ADGRL1: variants seen among roughly 807,000 people sequenced by gnomAD.
The protein encoded by ADGRL1 is CIRL-1.
A neutral mutation model predicts 148.9 loss-of-function variants in ADGRL1; 31 were observed. The ratio of observed to expected loss-of-function variants is 0.21; its 90% CI spans 0.16 to 0.28. ADGRL1 has a LOEUF of 0.28. Ranked by LOEUF, ADGRL1 falls within the 10% of genes least tolerant of loss-of-function variation. The pLI is 1.00. For missense variants in ADGRL1, 1,521 were observed against 2,058.8 expected (o/e 0.74, Z 5.05); for synonymous variants, 937 against 900.3 (o/e 1.04, Z -0.73).
At chr19:14,204,621 C>G (rs1972838441) in intron 1 of ADGRL1, among the ~76,000 whole-genome samples, 2 of 151,776 alleles carry the variant, frequency 1.3e-5, no homozygotes. Context: ...CCGACCTCCT[C>G]TAAGCAGTGA....
chr19:14,155,542 A>T lies in ADGRL1; in HGVS notation c.3126-15T>A. 6.2e-7 allele frequency: 1 copy of T among 1,612,726 alleles called. No homozygotes were observed. The highest frequency in any genetic ancestry group is 8.5e-7 in the Non-Finnish European group (1 of 1,179,666). ...GCGCCCAGGATCTGGGAGTGGGGCGACAGGGGAGTCAAAGTACCCGCCGGA... is the reference window on the plus strand; with the variant it reads ...GCGCCCAGGATCTGGGAGTGGGGCGTCAGGGGAGTCAAAGTACCCGCCGGA... On this transcript the variant is annotated splice_polypyrimidine_tract_variant and intron_variant, in intron 17 of 22. Coordinates refer to ENST00000361434, the MANE Select transcript of ADGRL1 (RefSeq NM_014921.5). The surrounding 1 kb of genome is among the most constrained non-coding windows in gnomAD (Gnocchi z 5.0).
rs1348511397 is a variant in ADGRL1, at chr19:14,157,476, G to C, written c.2536-16C>G. ...GGCCCTGGTACTGGGGACAGGAACA[G>C]GGGGCACGCTCAGGGCCTTTGGTTT... On this transcript the variant is annotated splice_polypyrimidine_tract_variant and intron_variant, in intron 13 of 22. Transcript: ENST00000361434. The surrounding 1 kb of genome is among the most constrained non-coding windows in gnomAD (Gnocchi z 7.5). The C allele has an allele frequency of 1.5e-5, 24 of 1,612,868 alleles. No homozygotes were observed. The highest frequency in any genetic ancestry group is 2.0e-5 in the Non-Finnish European group (24 of 1,179,424).
chr19:14,149,807 A>G lies in ADGRL1; in HGVS notation c.*1066T>C, dbSNP rs1599372972. 6.6e-6 allele frequency: 1 copy of G among 152,148 alleles called. No homozygotes were observed. 9.4% of individuals were successfully genotyped at this position (152,148 alleles called of 1,614,324 possible). A position where few individuals can be genotyped will look rare whatever the true frequency, so the allele number is the denominator to read the frequency against. Reference sequence around the variant, plus strand: ...CCCGGCGGGGACTGGGGATGCACGTACACGGAGAAGTCCTGGCTGCCAGGC... The same window carrying G: ...CCCGGCGGGGACTGGGGATGCACGTGCACGGAGAAGTCCTGGCTGCCAGGC... On this transcript the variant is annotated 3_prime_UTR_variant, in exon 23 of 23. Transcript: ENST00000361434.
At chr19:14,190,855 A>G in intron 1 of ADGRL1, among the ~76,000 whole-genome samples, 1 of 152,176 alleles carries the variant, frequency 6.6e-6, no homozygotes. Flanking sequence ...TGGGAGGCCG[A>G]GGAGGGCAGA....
Position 14,157,451 on chromosome 19 carries a change from G to T in ADGRL1, c.2545C>A (p.Arg849Ser), listed in dbSNP as rs748380369. ...ACCGACAGCAGCAGCTCGTTGATGC[G>T]GCCCTGGTACTGGGGACAGGAACAG... ...LMAHREIYQGRINELLLSVIT... is the reference protein window; with the variant it reads ...LMAHREIYQGSINELLLSVIT... The change falls in exon 14 of 23, where the codon CGC (arginine) becomes AGC (serine). Residue 849 changes from arginine (R) to serine (S), a missense_variant. Physicochemically the swap from Arg to Ser is moderately radical, Grantham distance 110. Coordinates refer to ENST00000361434, the MANE Select transcript of ADGRL1 (RefSeq NM_014921.5). This position sits in a 1 kb window ranked among gnomAD's most constrained non-coding sequence, Gnocchi z 7.5. 1 of 1,613,966 alleles carries T rather than the reference G, an allele frequency of 6.2e-7. No homozygotes were observed. The highest frequency in any genetic ancestry group is 1.1e-5 in the South Asian group (1 of 91,082).
At chr19:14,198,661 C>T (rs1972417167) in intron 1 of ADGRL1, among the ~76,000 whole-genome samples, 1 of 152,152 alleles carries the variant, frequency 6.6e-6, no homozygotes, top group South Asian at 2.1e-4. Context: ...AGCCAGCAGC[C>T]TCCAGCTTCT....
rs750298091 is a variant in ADGRL1 at position 14,162,613 on chromosome 19, G to A, written c.1188C>T (p.Pro396=). 21 of 1,604,870 alleles carry A rather than the reference G, an allele frequency of 1.3e-5. 1 individual carries two copies. The South Asian group carries it at 1.8e-4, about 14-fold the overall frequency. ...RYSLEFGPPD[P]SAGPATSPPL... ...GAAGTGAGTCGTCCTCACCAGCACT[G>A]GGGTCGGGCGGCCCGAACTCCAGGC... The change falls in exon 5 of 23, where the codon CCC becomes CCT. Residue 396 remains proline (P), a synonymous_variant. Coordinates refer to ENST00000361434, the MANE Select transcript of ADGRL1 (RefSeq NM_014921.5). This position sits in a 1 kb window ranked among gnomAD's most constrained non-coding sequence, Gnocchi z 5.4.
intron 1 of ADGRL1, among the ~76,000 whole-genome samples, chr19:14,197,355 C>T (rs1205314615): frequency 6.6e-6 from 1 of 152,026 alleles, no homozygotes; most frequent in Non-Finnish European, 1.5e-5. Flanking sequence ...AAATTCCCTG[C>T]CCCCGCCCCC....
intron 2 of ADGRL1, 26 bp downstream of exon 2, chr19:14,183,507 C>T: frequency 6.4e-7 from 1 of 1,553,456 alleles, no homozygotes; most frequent in South Asian, 1.2e-5. Flanking sequence ...GAGCCGCGGC[C>T]CCTCCCCGGC....
chr19:14,150,713 G>A lies in ADGRL1; in HGVS notation c.*160C>T. The A allele has an allele frequency of 1.2e-6, 1 of 807,668 alleles. No homozygotes were observed. Among genetic ancestry groups the A allele is most frequent in the Non-Finnish European group, 1.9e-6 (1 of 532,842 alleles). 50.0% of individuals were successfully genotyped at this position (807,668 alleles called of 1,614,324 possible). A position where few individuals can be genotyped will look rare whatever the true frequency, so the allele number is the denominator to read the frequency against. ...GAACCCTGGCACCTCAGGCCCCCAG[G>A]TTAGAGTCCCCTGAGGGGACTGTAG... On this transcript the variant is annotated 3_prime_UTR_variant, in exon 23 of 23. Transcript: ENST00000361434.
At chr19:14,171,808 T>A (rs1436442866) in intron 3 of ADGRL1, among the ~76,000 whole-genome samples, 1 of 152,170 alleles carries the variant, frequency 6.6e-6, no homozygotes. Flanking sequence ...GGCTAGCATG[T>A]AAGGGGGAAC....
Position 14,162,841 on chromosome 19 carries a change from C to T in ADGRL1, c.960G>A (p.Leu320=), listed in dbSNP as rs777466991. The T allele has an allele frequency of 6.2e-7, 1 of 1,614,084 alleles. No individual in the cohort carries two copies. The highest frequency in any genetic ancestry group is 8.5e-7 in the Non-Finnish European group (1 of 1,180,004). The part of the protein sequence containing the change: ...ASNAFMVCGV[L]YVLRSVYVDD... The stretch of plus-strand genomic sequence containing the variant: ...CCACGTACACGGAACGCAGGACGTA[C>T]AGGACCCCACACACCATGAAGGCGT... The change falls in exon 5 of 23, where the codon CTG becomes CTA. Residue 320 remains leucine (L), a synonymous_variant. Coordinates refer to ENST00000361434, the MANE Select transcript of ADGRL1 (RefSeq NM_014921.5). This position sits in a 1 kb window ranked among gnomAD's most constrained non-coding sequence, Gnocchi z 5.4.
chr19:14,158,299 C>T (rs1419202066), intron 12 of ADGRL1, 39 bp downstream of exon 12: 1 of 1,594,054 alleles, frequency 6.3e-7, no homozygotes, highest in Non-Finnish European at 8.6e-7. Flanking sequence ...ACAGAGGGTA[C>T]AGGGACCCCC....
At chr19:14,164,545 GA>G (rs1290137995) in intron 4 of ADGRL1, 1 of 152,294 alleles carries the variant, frequency 6.6e-6, no homozygotes, top group East Asian at 1.9e-4. Flanking sequence ...GCAGGGGAGG[GA>G]ACCAGGCGCT....
At position 14,161,748 on chromosome 19, in the gene ADGRL1, G is replaced by A. The variant is rs575190603; in HGVS notation, c.1196-122C>T. The A allele has an allele frequency of 6.8e-5, 45 of 660,410 alleles. No individual in the cohort carries two copies. Among genetic ancestry groups the A allele is most frequent in the African/African-American group, 3.8e-4 (20 of 52,762 alleles). 40.9% of individuals were successfully genotyped at this position (660,410 alleles called of 1,614,324 possible). A position where few individuals can be genotyped will look rare whatever the true frequency, so the allele number is the denominator to read the frequency against. ...ATCTACTGAAGTGGAAACACGTGCC[G>A]GGCCCCACTGGGTCTATGAGTTGAT... On this transcript the variant is annotated intron_variant, in intron 5 of 22. Transcript: ENST00000361434. The surrounding 1 kb of genome is among the most constrained non-coding windows in gnomAD (Gnocchi z 4.4).
At chr19:14,168,342 G>A (rs535293635) in intron 4 of ADGRL1, among the ~76,000 whole-genome samples, 8 of 152,264 alleles carry the variant, frequency 5.3e-5, no homozygotes, top group African/African-American at 1.9e-4. Flanking sequence ...GCTACCTCCT[G>A]TCCCCGCTTT....
rs1391865930 is a variant in ADGRL1 at position 14,163,209 on chromosome 19, T to C, written c.592A>G (p.Thr198Ala). Residue 198 changes from threonine to alanine, a missense_variant, in exon 5 of 23, where the codon ACC becomes GCC. Physicochemically the swap from Thr to Ala is moderately conservative, Grantham distance 58 (BLOSUM62 0). This residue lies in a region of ADGRL1 where 334 missense variants were observed against 512.5 expected (regional missense o/e 0.65). Coordinates refer to ENST00000361434, the MANE Select transcript of ADGRL1 (RefSeq NM_014921.5). ...ACGCGGTTGGGCAGGCGGTAGGTGGTGGTGTGGCGGGCGGCCACGTAGTCC... is the reference window on the plus strand; with the variant it reads ...ACGCGGTTGGGCAGGCGGTAGGTGGCGGTGTGGCGGGCGGCCACGTAGTCC... Reference protein sequence around the residue: ...WEDYVAARHTTTYRLPNRVDG... With the variant: ...WEDYVAARHTATYRLPNRVDG... 6.2e-7 allele frequency: 1 copy of C among 1,613,892 alleles called. No individual in the cohort carries two copies. Among genetic ancestry groups the C allele is most frequent in the Admixed American group, 1.7e-5 (1 of 60,004 alleles).
intron 3 of ADGRL1, among the ~76,000 whole-genome samples, chr19:14,173,773 G>A (rs926950695): frequency 6.6e-6 from 1 of 151,620 alleles, no homozygotes; most frequent in Non-Finnish European, 1.5e-5. Flanking sequence ...ATGGTGAAAC[G>A]TCGTCTTTAC....
At chr19:14,171,009 T>C (rs574264666) in intron 3 of ADGRL1, 19 of 509,364 alleles carry the variant, frequency 3.7e-5, no homozygotes, top group Admixed American at 1.3e-4. Context: ...TGGGAGGTGA[T>C]TGGATCATGG....
Sources: gnomAD v4.1 joint callset for allele counts (sites outside exome capture counted in the v4.1 genomes callset) on GRCh38, gnomAD v4.1.1 for gene constraint, gnomAD v4.1.1 regional missense constraint, Gnocchi (gnomAD v3.1) non-coding constraint, MANE v1.5 for transcripts, NCBI Gene and HGNC (gene_info 2026-07-23, HGNC 2026-07-21) for gene names.